CTNNA3: variants seen among roughly 807,000 people sequenced by gnomAD.
CTNNA3 encodes the protein catenin alpha-3.
CTNNA3 carries 76 observed loss-of-function variants against 95.7 expected under a neutral mutation model. That is an observed-to-expected ratio of 0.79 (90% CI 0.66 to 0.96). The LOEUF (loss-of-function observed/expected upper bound fraction) is 0.96. CTNNA3 is among the 40% of genes least tolerant of loss of function. The probability of loss-of-function intolerance (pLI) is 0.00; values close to 1 mark genes in which losing one functional copy is unlikely to be tolerated. For synonymous variants in CTNNA3, 431 were observed against 374.4 expected, an observed-to-expected ratio of 1.15 and a Z score of -1.74; for missense variants, 1,191 against 1,089.8, an observed-to-expected ratio of 1.09 and a Z score of -1.31.
At chr10:66,464,560 C>T (rs528024438) in intron 11 of CTNNA3, among the ~76,000 whole-genome samples, 45 of 152,030 alleles carry the variant, frequency 3.0e-4, no homozygotes, top group Non-Finnish European at 1.6e-4. Flanking sequence ...GTCAGGAGTT[C>T]GAGACCAGCC....
At chr10:67,221,962 G>A (rs903174849) in intron 5 of CTNNA3, among the ~76,000 whole-genome samples, 1 of 152,164 alleles carries the variant, frequency 6.6e-6, no homozygotes, top group African/African-American at 2.4e-5. Context: ...GAATGAGGCT[G>A]CTATTATTAG....
chr10:66,781,612 GT>G (rs1564679107), intron 7 of CTNNA3, among the ~76,000 whole-genome samples: 1 of 152,116 alleles, frequency 6.6e-6, no homozygotes, highest in Non-Finnish European at 1.5e-5. Context: ...TTGAAATGAG[GT>G]TTTTAAAAAT....
intron 7 of CTNNA3, among the ~76,000 whole-genome samples, chr10:67,025,168 G>A: frequency 1.4e-5 from 2 of 146,174 alleles, no homozygotes; most frequent in African/African-American, 5.1e-5. Context: ...AAGGAAGGAA[G>A]GAAGGAAAGA....
intron 7 of CTNNA3, among the ~76,000 whole-genome samples, chr10:66,963,734 T>A (rs1849249312): frequency 6.6e-6 from 1 of 151,954 alleles, no homozygotes. Context: ...AAGAGCAGGG[T>A]GAGACATTAT....
At chr10:66,443,557 C>A (rs1358112225) in intron 11 of CTNNA3, among the ~76,000 whole-genome samples, 1 of 152,008 alleles carries the variant, frequency 6.6e-6, no homozygotes, top group East Asian at 1.9e-4. Flanking sequence ...GACACCCAGG[C>A]AAAAAGGGTC....
At chr10:66,478,698 T>G (rs1418456048) in intron 11 of CTNNA3, among the ~76,000 whole-genome samples, 2 of 151,872 alleles carry the variant, frequency 1.3e-5, no homozygotes, top group Non-Finnish European at 2.9e-5. Context: ...GCAAATATAA[T>G]GTAATTAAAA....
At chr10:66,947,914 A>G (rs552347112) in intron 7 of CTNNA3, among the ~76,000 whole-genome samples, 98 of 152,308 alleles carry the variant, frequency 6.4e-4, no homozygotes, top group Middle Eastern at 3.4e-3. Flanking sequence ...GTGTACTTAC[A>G]TAAACCTAGA....
At chr10:66,073,166 A>G (rs2080476662) in intron 14 of CTNNA3, among the ~76,000 whole-genome samples, 1 of 152,158 alleles carries the variant, frequency 6.6e-6, no homozygotes, top group South Asian at 2.1e-4. Flanking sequence ...AGGATAAAAA[A>G]TTTCATTTAG....
intron 13 of CTNNA3, among the ~76,000 whole-genome samples, chr10:66,222,282 A>G (rs1310677055): frequency 6.6e-6 from 1 of 152,146 alleles, no homozygotes; most frequent in East Asian, 1.9e-4. Flanking sequence ...ACCCCTACAC[A>G]GCGTATAACC....
intron 7 of CTNNA3, among the ~76,000 whole-genome samples, chr10:67,174,592 T>C (rs1234253625): frequency 6.6e-6 from 1 of 152,146 alleles, no homozygotes; most frequent in Non-Finnish European, 1.5e-5. Context: ...ACAATTCACA[T>C]ATGCAAATAC....
chr10:67,678,561 T>G (rs959465142), intron 1 of CTNNA3, among the ~76,000 whole-genome samples: 1 of 152,080 alleles, frequency 6.6e-6, no homozygotes, highest in Non-Finnish European at 1.5e-5. Context: ...TTGGGGAAAA[T>G]TGAACATATC....
chr10:66,018,146 C>T (rs1021844242), intron 15 of CTNNA3, among the ~76,000 whole-genome samples: 6 of 147,282 alleles, frequency 4.1e-5, no homozygotes, highest in African/African-American at 1.5e-4. Context: ...AGCCATGAGG[C>T]GCAAGTGCAT....
intron 10 of CTNNA3, among the ~76,000 whole-genome samples, chr10:66,567,889 A>G (rs1842761216): frequency 6.6e-6 from 1 of 152,064 alleles, no homozygotes; most frequent in South Asian, 2.1e-4. Flanking sequence ...TACAATAATA[A>G]ACTTCATTTG....
At chr10:66,198,250 G>A (rs2087091881) in intron 13 of CTNNA3, among the ~76,000 whole-genome samples, 1 of 151,958 alleles carries the variant, frequency 6.6e-6, no homozygotes, top group African/African-American at 2.4e-5. Flanking sequence ...CTATTCTCTT[G>A]TGTTGATATA....
chr10:66,709,100 A>C (rs1407360670), intron 9 of CTNNA3, among the ~76,000 whole-genome samples: 1 of 152,080 alleles, frequency 6.6e-6, no homozygotes, highest in Non-Finnish European at 1.5e-5. Context: ...CTCTAGACCA[A>C]ATTCATAAAC....
intron 9 of CTNNA3, among the ~76,000 whole-genome samples, chr10:66,722,824 C>T (rs549706576): frequency 2.2e-5 from 3 of 139,510 alleles, no homozygotes; most frequent in African/African-American, 5.2e-5. Flanking sequence ...GGGGTTGTGG[C>T]GGGGGTGGGC....
intron 11 of CTNNA3, among the ~76,000 whole-genome samples, chr10:66,487,667 C>A (rs928065521): frequency 6.6e-6 from 1 of 152,002 alleles, no homozygotes; most frequent in African/African-American, 2.4e-5. Context: ...TGCTTTAAAT[C>A]CTGAATATAT....
intron 7 of CTNNA3, among the ~76,000 whole-genome samples, chr10:66,803,988 G>T (rs76165662): frequency 0.026 from 3,855 of 150,848 alleles, 45 homozygotes; most frequent in Middle Eastern, 0.066. Context: ...TTAAGCAGTG[G>T]TGTGCATGTA....
In CTNNA3 at chr10:67,746,639, G is replaced by A. The variant is rs568003732; in HGVS notation, c.-2+16795C>T. ...CAGCCAAGGGAGACGGTGAGCAGTC[G>A]TGCTACCCAGCCTGGGAAACCACGC... On this transcript the variant is annotated intron_variant, in intron 1 of 17. Coordinates refer to the CTNNA3 transcript ENST00000684154. Among the ~76,000 whole-genome samples, 116 of 152,226 alleles carry A rather than the reference G, an allele frequency of 7.6e-4. 1 individual carries two copies. The South Asian group carries it at 0.014, about 18-fold the overall frequency.
Sources: gnomAD v4.1 joint callset for allele counts (sites outside exome capture counted in the v4.1 genomes callset) on GRCh38, gnomAD v4.1.1 for gene constraint, MANE v1.5 for transcripts, NCBI Gene and HGNC (gene_info 2026-07-23, HGNC 2026-07-21) for gene names.